LUZP2: variants seen among roughly 807,000 people sequenced by gnomAD.
The protein encoded by LUZP2 is leucine zipper protein 2.
A neutral mutation model predicts 51.6 loss-of-function variants in LUZP2; 52 were observed. That is an observed-to-expected ratio of 1.01 (90% CI 0.81 to 1.27). The LOEUF (loss-of-function observed/expected upper bound fraction) is 1.27. LUZP2 is among the 50% of genes most tolerant of loss of function. The probability of loss-of-function intolerance (pLI) is 0.00; values close to 1 mark genes in which losing one functional copy is unlikely to be tolerated. For synonymous variants in LUZP2, 154 were observed against 137.3 expected, an observed-to-expected ratio of 1.12 and a Z score of -0.85; for missense variants, 436 against 395.4, an observed-to-expected ratio of 1.10 and a Z score of -0.87.
At chr11:24,682,584 ATATGTGTG>A (rs140676327) in intron 1 of LUZP2, among the ~76,000 whole-genome samples, 17 of 145,184 alleles carry the variant, frequency 1.2e-4, no homozygotes, top group East Asian at 4.1e-4. Flanking sequence ...TTATATATAT[ATATGTGTG>A]TGTGTGTATA....
chr11:24,925,995 G>A (rs1854215847), intron 7 of LUZP2, among the ~76,000 whole-genome samples: 2 of 151,704 alleles, frequency 1.3e-5, no homozygotes, highest in African/African-American at 4.8e-5. Flanking sequence ...ACGTTGTTTG[G>A]TTTCCATTCC....
At chr11:25,060,306 G>C (rs543511727) in intron 10 of LUZP2, among the ~76,000 whole-genome samples, 7 of 152,106 alleles carry the variant, frequency 4.6e-5, no homozygotes, top group Non-Finnish European at 1.0e-4. Flanking sequence ...CTTAGTGAAA[G>C]CCATCTTCTC....
At chr11:24,902,204 AAAT>A (rs1853301249) in intron 5 of LUZP2, among the ~76,000 whole-genome samples, 1 of 152,098 alleles carries the variant, frequency 6.6e-6, no homozygotes, top group Non-Finnish European at 1.5e-5. Flanking sequence ...TTTTTTATAA[AAAT>A]AAACTGGTAA....
intron 1 of LUZP2, among the ~76,000 whole-genome samples, chr11:24,525,045 C>T (rs1850756417): frequency 6.6e-6 from 1 of 151,538 alleles, no homozygotes. Context: ...TCTTTTTCTT[C>T]AATGTTCAGG....
At chr11:24,898,489 T>G (rs928486725) in intron 5 of LUZP2, among the ~76,000 whole-genome samples, 6 of 151,910 alleles carry the variant, frequency 3.9e-5, no homozygotes, top group Non-Finnish European at 8.8e-5. Context: ...CTGGGCGTGG[T>G]GGTGGGCGCC....
chr11:24,825,717 C>T (rs1039684533), intron 5 of LUZP2, among the ~76,000 whole-genome samples: 1 of 150,682 alleles, frequency 6.6e-6, no homozygotes, highest in Non-Finnish European at 1.5e-5. Context: ...TTTTTATTTA[C>T]TTATTTCGAC....
chr11:24,839,356 G>T (rs563570623), intron 5 of LUZP2, among the ~76,000 whole-genome samples: 27 of 151,580 alleles, frequency 1.8e-4, no homozygotes, highest in African/African-American at 6.3e-4. Flanking sequence ...GTTAAATCTT[G>T]TTGTTCTATT....
intron 1 of LUZP2, among the ~76,000 whole-genome samples, chr11:24,537,866 A>T (rs1380210212): frequency 6.6e-6 from 1 of 151,864 alleles, no homozygotes; most frequent in African/African-American, 2.4e-5. Context: ...TTTTATGTAC[A>T]TATGCTATAT....
chr11:24,734,491 T>A (rs1437876257), intron 3 of LUZP2, among the ~76,000 whole-genome samples: 1 of 151,852 alleles, frequency 6.6e-6, no homozygotes, highest in Non-Finnish European at 1.5e-5. Flanking sequence ...GGAGAATATT[T>A]TGGTCTTACT....
chr11:24,522,852 G>A (rs1365005525), intron 1 of LUZP2, among the ~76,000 whole-genome samples: 1 of 152,048 alleles, frequency 6.6e-6, no homozygotes, highest in Non-Finnish European at 1.5e-5. Context: ...GAAGTAGTCA[G>A]TAAAGACCCT....
intron 5 of LUZP2, among the ~76,000 whole-genome samples, chr11:24,792,755 T>C (rs144718145): frequency 1.3e-3 from 193 of 152,274 alleles, no homozygotes; most frequent in Non-Finnish European, 1.9e-3. Flanking sequence ...TTTCCTCCCA[T>C]TCACAATGAA....
chr11:24,921,268 T>G (rs1854044888), intron 7 of LUZP2, among the ~76,000 whole-genome samples: 1 of 152,114 alleles, frequency 6.6e-6, no homozygotes, highest in Admixed American at 6.5e-5. Flanking sequence ...GTTGCTTATA[T>G]TGGGATGCTG....
intron 1 of LUZP2, among the ~76,000 whole-genome samples, chr11:24,679,583 A>G (rs36020427): frequency 0.042 from 6,347 of 152,194 alleles, 152 homozygotes; most frequent in African/African-American, 0.062. Flanking sequence ...CTATTTTAAA[A>G]ATCCTTTATT....
At chr11:24,998,065 C>T (rs1413931997) in intron 9 of LUZP2, among the ~76,000 whole-genome samples, 3 of 152,104 alleles carry the variant, frequency 2.0e-5, no homozygotes, top group African/African-American at 7.2e-5. Context: ...ATGCCTCCAG[C>T]TTTGTTCTTT....
chr11:24,977,861 T>A (rs1855922692), intron 8 of LUZP2, among the ~76,000 whole-genome samples: 1 of 150,830 alleles, frequency 6.6e-6, no homozygotes, highest in Non-Finnish European at 1.5e-5. Flanking sequence ...ATTTATTATG[T>A]TTCTCTCTAT....
At chr11:24,937,315 TTATTA>T (rs1854612861) in intron 7 of LUZP2, among the ~76,000 whole-genome samples, 1 of 152,222 alleles carries the variant, frequency 6.6e-6, no homozygotes, top group Non-Finnish European at 1.5e-5. Context: ...TCTAATTTCT[TTATTA>T]AGTCTTTCAC....
chr11:24,507,475 G>A (rs1384449344), intron 1 of LUZP2, among the ~76,000 whole-genome samples: 2 of 151,898 alleles, frequency 1.3e-5, no homozygotes, highest in African/African-American at 2.4e-5. Context: ...ATAATTATCC[G>A]CCTCACATAG....
chr11:24,653,265 G>A (rs551595155), intron 1 of LUZP2, among the ~76,000 whole-genome samples: 64 of 152,180 alleles, frequency 4.2e-4, no homozygotes, highest in South Asian at 2.3e-3. Flanking sequence ...TTTTTAAGTG[G>A]CTTTAATACT....
At chr11:24,508,459 A>G (rs1029020299) in intron 1 of LUZP2, among the ~76,000 whole-genome samples, 1 of 152,204 alleles carries the variant, frequency 6.6e-6, no homozygotes, top group Non-Finnish European at 1.5e-5. Flanking sequence ...GTGGTAAAAG[A>G]AAAATAATCA....
Sources: allele counts gnomAD v4.1 joint callset (sites outside exome capture counted in the v4.1 genomes callset), GRCh38; gene constraint gnomAD v4.1.1; transcripts MANE v1.5; gene names NCBI Gene and HGNC (gene_info 2026-07-23, HGNC 2026-07-21).